The following TCF20 variants were observed in gnomAD, a reference collection of about 807,000 sequenced individuals.
The protein encoded by TCF20 is transcription factor 20, also known as SPRE-binding protein.
Under a neutral mutation model 148.6 loss-of-function variants are expected in TCF20, and 3 were observed. The observed-to-expected ratio is 0.02, with a 90% CI of 0.01 to 0.05. The LOEUF (loss-of-function observed/expected upper bound fraction) is 0.05, where lower values mean the gene tolerates loss of function less well. Among genes scored for constraint, TCF20 ranks in the 10% least tolerant of loss-of-function variants. TCF20 has a pLI of 1.00. For synonymous variants in TCF20, 1,049 were observed against 909.5 expected, an observed-to-expected ratio of 1.15 and a Z score of -2.76; for missense variants, 2,350 against 2,429.3, an observed-to-expected ratio of 0.97 and a Z score of 0.69.
At chr22:42,226,140 G>A (rs533600616) in intron 1 of TCF20, among the ~76,000 whole-genome samples, 31 of 152,168 alleles carry the variant, frequency 2.0e-4, no homozygotes, top group Non-Finnish European at 4.0e-4. Context: ...GATCACTTCA[G>A]ATGACCACAT....
At chr22:42,170,444 C>T (rs753537378) in intron 3 of TCF20, among the ~76,000 whole-genome samples, 3 of 150,986 alleles carry the variant, frequency 2.0e-5, no homozygotes. Flanking sequence ...GGAGTTCAGA[C>T]TGCAGTAAGC....
At chr22:42,312,959 TG>T (rs1285499332) in intron 1 of TCF20, among the ~76,000 whole-genome samples, 1 of 152,130 alleles carries the variant, frequency 6.6e-6, no homozygotes, top group Non-Finnish European at 1.5e-5. Context: ...GCTCCAGTAC[TG>T]GGGGTGGCTC....
chr22:42,208,836 C>G (rs1352587118), intron 2 of TCF20, among the ~76,000 whole-genome samples: 1 of 152,112 alleles, frequency 6.6e-6, no homozygotes, highest in Non-Finnish European at 1.5e-5. Flanking sequence ...GACAAATTGC[C>G]TGAACTGAAA....
chr22:42,270,813 C>A (rs956445937), upstream of TCF20, among the ~76,000 whole-genome samples: 4 of 147,766 alleles, frequency 2.7e-5, no homozygotes, highest in African/African-American at 7.4e-5. Flanking sequence ...GGCGTCGAGG[C>A]TGGCGCGCGC....
At chr22:42,232,405 A>G (rs1235212968) in intron 1 of TCF20, among the ~76,000 whole-genome samples, 1 of 152,262 alleles carries the variant, frequency 6.6e-6, no homozygotes, top group East Asian at 1.9e-4. Flanking sequence ...ACCAAAACAA[A>G]AAAAAAACAA....
chr22:42,162,918 C>T (rs983134817), intron 5 of TCF20, among the ~76,000 whole-genome samples: 1 of 152,176 alleles, frequency 6.6e-6, no homozygotes, highest in Non-Finnish European at 1.5e-5. Context: ...CACACAGAGG[C>T]CATGGCACAA....
intron 1 of TCF20, among the ~76,000 whole-genome samples, chr22:42,236,912 A>T (rs534543869): frequency 8.5e-5 from 13 of 152,330 alleles, no homozygotes; most frequent in South Asian, 4.1e-4. Context: ...CTTTATCGTT[A>T]AAAAATGCTA....
intron 1 of TCF20, among the ~76,000 whole-genome samples, chr22:42,234,471 C>T (rs928598362): frequency 4.6e-5 from 7 of 152,120 alleles, no homozygotes; most frequent in Admixed American, 2.0e-4. Context: ...ATTGTCTGGA[C>T]GATTAATTCC....
At chr22:42,342,756 C>A (rs1928189801) in intron 1 of TCF20, among the ~76,000 whole-genome samples, 1 of 152,192 alleles carries the variant, frequency 6.6e-6, no homozygotes, top group Admixed American at 6.5e-5. Context: ...GAATGGATGA[C>A]CCTCCCTCTA....
upstream of TCF20, among the ~76,000 whole-genome samples, chr22:42,271,974 G>A (rs1926637429): frequency 6.6e-6 from 1 of 152,010 alleles, no homozygotes; most frequent in South Asian, 2.1e-4. Context: ...CAGGGTCCCA[G>A]GCAGAGCCCC....
chr22:42,295,665 C>A (rs779643560), intron 1 of TCF20, among the ~76,000 whole-genome samples: 1 of 152,086 alleles, frequency 6.6e-6, no homozygotes, highest in African/African-American at 2.4e-5. Context: ...GTCTCGAACT[C>A]CTAACCTCAA....
At position 42,279,919 on chromosome 22, in the gene TCF20, A is replaced by G. The variant is rs1298770771; in HGVS notation, c.-37+3908T>C. On this transcript the variant is annotated intron_variant, in intron 1 of 5. Coordinates refer to the TCF20 transcript ENST00000359486. This position sits in a 1 kb window ranked among gnomAD's most constrained non-coding sequence, Gnocchi z 4.3. Reference sequence around the variant, plus strand: ...CCACCCCAGGTGCTCCTCACAGGTGATGGGGTGTGTTGTCTATGGGGCTCT... The same window carrying G: ...CCACCCCAGGTGCTCCTCACAGGTGGTGGGGTGTGTTGTCTATGGGGCTCT... 6.6e-6 allele frequency among the ~76,000 whole-genome samples: 1 copy of G among 151,858 alleles called. No homozygotes were observed. Among genetic ancestry groups the G allele is most frequent in the Non-Finnish European group, 1.5e-5 (1 of 67,920 alleles).
chr22:42,212,104 G>A lies in TCF20; in HGVS notation c.3202C>T (p.Arg1068Trp), dbSNP rs780689927. ...TTAGGGTCCCCATAAGCATGAGCCC[G>A]AGTATTTGCATGATAAGCAGAGGCC... ...TLASAYHANT[R>W]AHAYGDPNAG... Residue 1068 changes from arginine (R) to tryptophan (W), a missense_variant, in exon 2 of 6, where the codon CGG becomes TGG. By Grantham distance (101) the Arg-to-Trp change is moderately radical. Transcript: ENST00000677622. The A allele has an allele frequency of 1.4e-5, 22 of 1,614,008 alleles. No individual in the cohort carries two copies. Among genetic ancestry groups the A allele is most frequent in the Middle Eastern group, 1.6e-4 (1 of 6,084 alleles).
chr22:42,251,349 T>A (rs1005342652), intron 1 of TCF20, among the ~76,000 whole-genome samples: 1 of 151,878 alleles, frequency 6.6e-6, no homozygotes, highest in African/African-American at 2.4e-5. Flanking sequence ...GCTTGCTAAT[T>A]TTTGTATTTT....
At chr22:42,266,807 T>C (rs996316620) in intron 1 of TCF20, among the ~76,000 whole-genome samples, 1 of 152,062 alleles carries the variant, frequency 6.6e-6, no homozygotes, top group African/African-American at 2.4e-5. Flanking sequence ...AGTATACCAC[T>C]ACTAGGTTAT....
chr22:42,214,196 A>G lies in TCF20; in HGVS notation c.1110T>C (p.Pro370=). Residue 370 remains proline, a synonymous_variant, in exon 2 of 6, where the codon CCT becomes CCC. Coordinates refer to ENST00000677622, the MANE Select transcript of TCF20 (RefSeq NM_001378418.1). The part of the protein sequence containing the change: ...FHQNFSPISN[P]SPAASVVQSP... ...ACTGAACCACAGAGGCAGCTGGAGA[A>G]GGGTTAGAAATGGGGCTGAAGTTCT... The G allele has an allele frequency of 1.9e-6, 3 of 1,614,222 alleles. No individual in the cohort carries two copies. The highest frequency in any genetic ancestry group is 2.5e-6 in the Non-Finnish European group (3 of 1,180,040).
chr22:42,184,760 A>T (rs1020322209), intron 2 of TCF20, among the ~76,000 whole-genome samples: 1 of 152,224 alleles, frequency 6.6e-6, no homozygotes, highest in Non-Finnish European at 1.5e-5. Flanking sequence ...TTAATAGTAA[A>T]TTTTTTATTA....
intron 2 of TCF20, among the ~76,000 whole-genome samples, chr22:42,184,492 A>T (rs1019441557): frequency 6.6e-6 from 1 of 152,234 alleles, no homozygotes; most frequent in Admixed American, 6.5e-5. Context: ...ATTTCTAATT[A>T]AATTTTTATT....
upstream of TCF20, among the ~76,000 whole-genome samples, chr22:42,285,580 C>T (rs912283581): frequency 2.0e-5 from 3 of 152,116 alleles, no homozygotes; most frequent in Admixed American, 1.3e-4. The surrounding 1 kb of genome is among the most constrained non-coding windows in gnomAD (Gnocchi z 4.2). Context: ...GTGAAGAAAC[C>T]TAGAACAAAC....
Sources: allele counts gnomAD v4.1 joint callset (sites outside exome capture counted in the v4.1 genomes callset), GRCh38; gene constraint gnomAD v4.1.1; non-coding constraint Gnocchi (gnomAD v3.1); transcripts MANE v1.5; gene names NCBI Gene and HGNC (gene_info 2026-07-23, HGNC 2026-07-21).